Variants in SLC2A9 observed in about 807,000 individuals in gnomAD.
The protein encoded by SLC2A9 is solute carrier family 2 member 9, also known as solute carrier family 2, facilitated glucose transporter member 9.
A neutral mutation model predicts 50.6 loss-of-function variants in SLC2A9; 39 were observed. The ratio of observed to expected loss-of-function variants is 0.77; its 90% confidence interval spans 0.60 to 1.01. The LOEUF (loss-of-function observed/expected upper bound fraction) is 1.01. Ranked by LOEUF, SLC2A9 falls within the 50% of genes least tolerant of loss-of-function variation. The pLI is 0.00. For missense variants in SLC2A9, 686 were observed against 677.6 expected, an observed-to-expected ratio of 1.01 and a Z score of -0.14; for synonymous variants, 324 against 276.9, an observed-to-expected ratio of 1.17 and a Z score of -1.69.
chr4:9,921,456 T>C (rs1478035716), intron 6 of SLC2A9, among the ~76,000 whole-genome samples: 1 of 152,220 alleles, frequency 6.6e-6, no homozygotes, highest in African/African-American at 2.4e-5. Context: ...TCTTTCTTCC[T>C]CCCACAGGGA....
intron 1 of SLC2A9, among the ~76,000 whole-genome samples, chr4:10,036,811 G>A (rs1380377438): frequency 1.3e-5 from 2 of 152,208 alleles, no homozygotes; most frequent in African/African-American, 2.4e-5. Flanking sequence ...ACAACAGGCG[G>A]TGCATGCTTT....
intron 10 of SLC2A9, among the ~76,000 whole-genome samples, chr4:9,860,678 A>C (rs1409472200): frequency 6.6e-6 from 1 of 152,144 alleles, no homozygotes; most frequent in Non-Finnish European, 1.5e-5. Context: ...TCCCTTGTGC[A>C]CCTCAATTGA....
In SLC2A9 at chr4:9,942,006, G is replaced by T. The variant is rs765178070; in HGVS notation, c.721C>A (p.Pro241Thr). 2.5e-6 allele frequency: 4 copies of T among 1,614,180 alleles called. No homozygotes were observed. In the South Asian group the frequency reaches 4.4e-5, roughly 18 times the overall value. The change falls in exon 6 of 12, where the codon CCT (proline) becomes ACT (threonine). Residue 241 changes from proline to threonine, a missense_variant. Pro to Thr is a conservative substitution (Grantham distance 38). Coordinates refer to ENST00000264784, the MANE Select transcript of SLC2A9 (RefSeq NM_020041.3). ...WPYLFGVIVVPAVVQLLSLPF... is the reference protein window; with the variant it reads ...WPYLFGVIVVTAVVQLLSLPF... ...AGGCTCAGCAGCTGGACAACGGCAG[G>T]GACCACAATCACTCCAAACAGGTAT...
At chr4:9,832,227 C>T (rs965813708) in intron 11 of SLC2A9, among the ~76,000 whole-genome samples, 5 of 152,024 alleles carry the variant, frequency 3.3e-5, no homozygotes, top group East Asian at 3.9e-4. Context: ...CATGGGCGGG[C>T]GTGAGTGGGG....
intron 7 of SLC2A9, among the ~76,000 whole-genome samples, chr4:9,913,353 G>GAGAC (rs746574576): frequency 2.3e-3 from 350 of 149,550 alleles, no homozygotes; most frequent in Middle Eastern, 0.014. Flanking sequence ...GAGAGAGAGA[G>GAGAC]AGACAGAGAG....
At chr4:9,990,870 A>C (rs1039496907) in intron 3 of SLC2A9, among the ~76,000 whole-genome samples, 2 of 152,180 alleles carry the variant, frequency 1.3e-5, no homozygotes, top group Non-Finnish European at 2.9e-5. Flanking sequence ...AAGTCTTCTA[A>C]GGCTGGGAGA....
chr4:9,777,190 C>T (rs950570055), downstream of SLC2A9, among the ~76,000 whole-genome samples: 11 of 152,202 alleles, frequency 7.2e-5, no homozygotes, highest in African/African-American at 2.4e-4. Flanking sequence ...TTTCTGTCCC[C>T]GGGCCCTAGA....
chr4:9,979,203 T>C (rs1393749456), intron 5 of SLC2A9, among the ~76,000 whole-genome samples: 1 of 152,192 alleles, frequency 6.6e-6, no homozygotes, highest in Non-Finnish European at 1.5e-5. Context: ...GTGAGAGCTC[T>C]GTCCCTTACC....
intron 10 of SLC2A9, among the ~76,000 whole-genome samples, chr4:9,853,461 G>T (rs1730277433): frequency 6.6e-6 from 1 of 152,162 alleles, no homozygotes; most frequent in Admixed American, 6.5e-5. Flanking sequence ...AACTATGCTA[G>T]ATATATATGT....
At chr4:9,926,875 C>T (rs543957761) in intron 6 of SLC2A9, among the ~76,000 whole-genome samples, 14 of 152,094 alleles carry the variant, frequency 9.2e-5, no homozygotes, top group Admixed American at 6.5e-4. Flanking sequence ...CTTGTGTTCA[C>T]GGAGGAGAGG....
intron 10 of SLC2A9, among the ~76,000 whole-genome samples, chr4:9,881,774 T>C (rs537306584): frequency 2.0e-5 from 3 of 152,272 alleles, no homozygotes; most frequent in East Asian, 1.9e-4. Flanking sequence ...AGGGAAACCA[T>C]GACTAGGACT....
chr4:9,879,466 G>A (rs934837189), intron 10 of SLC2A9: 63 of 985,206 alleles, frequency 6.4e-5, no homozygotes, highest in South Asian at 9.4e-5. Flanking sequence ...GGGAGAATGC[G>A]GGATAGAGAG....
intron 5 of SLC2A9, among the ~76,000 whole-genome samples, chr4:9,943,982 G>A (rs940112576): frequency 2.0e-5 from 3 of 152,200 alleles, no homozygotes; most frequent in African/African-American, 7.2e-5. Flanking sequence ...CTCCCAGCCA[G>A]GAGCCACACA....
chr4:9,938,339 T>C (rs1203037763), intron 6 of SLC2A9, among the ~76,000 whole-genome samples: 3 of 151,160 alleles, frequency 2.0e-5, no homozygotes, highest in African/African-American at 7.3e-5. Flanking sequence ...TGGTGTGATC[T>C]TGGCTCACTG....
chr4:9,866,516 C>T (rs1346731486), intron 10 of SLC2A9, among the ~76,000 whole-genome samples: 1 of 152,162 alleles, frequency 6.6e-6, no homozygotes, highest in Non-Finnish European at 1.5e-5. Flanking sequence ...TGATTCCATT[C>T]CAGTCACACG....
intron 10 of SLC2A9, among the ~76,000 whole-genome samples, chr4:9,848,242 C>A (rs1729286724): frequency 1.3e-5 from 2 of 152,104 alleles, no homozygotes; most frequent in African/African-American, 4.8e-5. Flanking sequence ...GCTTGGCTCC[C>A]AGTATAGGAT....
intron 10 of SLC2A9, among the ~76,000 whole-genome samples, chr4:9,866,694 G>A (rs1732534120): frequency 6.6e-6 from 1 of 152,190 alleles, no homozygotes; most frequent in Non-Finnish European, 1.5e-5. Context: ...GGAGCTGTGA[G>A]GAAAGCAGTG....
chr4:9,845,690 A>C (rs1728876205), intron 10 of SLC2A9, among the ~76,000 whole-genome samples: 1 of 151,990 alleles, frequency 6.6e-6, no homozygotes, highest in African/African-American at 2.4e-5. Context: ...TCGGCCTCCC[A>C]AAGTGCTGGG....
intron 10 of SLC2A9, among the ~76,000 whole-genome samples, chr4:9,836,784 G>A (rs78570464): frequency 0.028 from 4,278 of 152,336 alleles, 74 homozygotes; most frequent in Middle Eastern, 0.041. Context: ...GATGCAGCAG[G>A]CTGTTGGGGC....
Sources: allele counts gnomAD v4.1 joint callset (sites outside exome capture counted in the v4.1 genomes callset), GRCh38; gene constraint gnomAD v4.1.1; transcripts MANE v1.5; gene names NCBI Gene and HGNC (gene_info 2026-07-23, HGNC 2026-07-21).